SBF2: variants seen among roughly 807,000 people sequenced by gnomAD.
The protein encoded by SBF2 is myotubularin-related protein 13.
SBF2 carries 112 observed loss-of-function variants against 225.2 expected under a neutral mutation model. That is an observed-to-expected ratio of 0.50 (90% CI 0.43 to 0.58). SBF2 has a LOEUF of 0.58. SBF2 is among the 20% of genes least tolerant of loss of function. SBF2 has a pLI of 0.00. For synonymous variants in SBF2, 763 were observed against 773.3 expected (o/e 0.99, Z 0.22); for missense variants, 1,996 against 2,206.2 (o/e 0.90, Z 1.91).
chr11:9,807,929 A>C (rs1853944971), intron 32 of SBF2, 71 bp downstream of exon 32: 4 of 1,365,370 alleles, frequency 2.9e-6, no homozygotes, highest in Admixed American at 1.8e-5. Flanking sequence ...ACACCATCGC[A>C]ATGCTCCATC....
At position 9,839,545 on chromosome 11, in the gene SBF2, C is replaced by T. The variant is rs149891983; in HGVS notation, c.3408G>A (p.Glu1136=). 5.6e-6 allele frequency: 9 copies of T among 1,614,148 alleles called. No individual in the cohort carries two copies. The East Asian group carries it at 6.7e-5, about 12-fold the overall frequency. Residue 1136 remains glutamate, a synonymous_variant, in exon 26 of 40, where the codon GAG becomes GAA. Coordinates refer to ENST00000256190, the MANE Select transcript of SBF2 (RefSeq NM_030962.4). ...TGTTGGAGGCAGTAATTCTAAAATA[C>T]TCGGGTCTTGAACGGGAAGAGCTGC... ...ISGSSSRSRP[E]YFRITASNRM...
At chr11:9,896,421 T>C (rs10770073) in intron 16 of SBF2, among the ~76,000 whole-genome samples, 90,184 of 151,976 alleles carry the variant, frequency 0.59, 27,152 homozygotes, top group African/African-American at 0.66. Flanking sequence ...TTTTTGCACA[T>C]TTTAACATTT....
intron 25 of SBF2, among the ~76,000 whole-genome samples, chr11:9,841,678 G>A (rs1002061282): frequency 1.3e-5 from 2 of 152,026 alleles, no homozygotes; most frequent in African/African-American, 2.4e-5. Flanking sequence ...GACTACAGGC[G>A]CATGCCACCA....
At chr11:10,012,349 T>C (rs1421754113) in intron 6 of SBF2, among the ~76,000 whole-genome samples, 1 of 152,172 alleles carries the variant, frequency 6.6e-6, no homozygotes, top group African/African-American at 2.4e-5. Flanking sequence ...ACTATGTTTC[T>C]CAGGCCGGTC....
intron 25 of SBF2, among the ~76,000 whole-genome samples, chr11:9,840,801 G>A (rs1473720128): frequency 6.6e-6 from 1 of 152,152 alleles, no homozygotes; most frequent in Non-Finnish European, 1.5e-5. Context: ...TTTGTTAGAG[G>A]ATGTGGTGTA....
At chr11:9,823,854 T>C (rs903963384) in intron 28 of SBF2, among the ~76,000 whole-genome samples, 7 of 152,204 alleles carry the variant, frequency 4.6e-5, no homozygotes, top group Non-Finnish European at 8.8e-5. Context: ...CTTTGTCCAG[T>C]TTATCACTGG....
At chr11:10,193,465 C>T (rs1957256983) in intron 2 of SBF2, among the ~76,000 whole-genome samples, 1 of 151,418 alleles carries the variant, frequency 6.6e-6, no homozygotes, top group Non-Finnish European at 1.5e-5. Context: ...TGCCATTCTC[C>T]TGCCTCAGCC....
chr11:9,835,631 C>CAAAA (rs58436467), intron 26 of SBF2, among the ~76,000 whole-genome samples: 1,304 of 62,130 alleles, frequency 0.021, 118 homozygotes, highest in African/African-American at 0.079. Context: ...GACCTTGTCT[C>CAAAA]AAAAAAAAAA....
chr11:9,929,329 A>T (rs764043820), intron 16 of SBF2: 9 of 175,720 alleles, frequency 5.1e-5, no homozygotes, highest in Non-Finnish European at 9.6e-5. Context: ...TCTATGCAAC[A>T]AGGAAACATT....
chr11:10,066,244 C>T (rs1359632997), intron 2 of SBF2, among the ~76,000 whole-genome samples: 1 of 151,684 alleles, frequency 6.6e-6, no homozygotes, highest in African/African-American at 2.4e-5. Context: ...ATTACCAATA[C>T]CAAAACTTGA....
chr11:9,834,171 C>A (rs530440964), intron 26 of SBF2, among the ~76,000 whole-genome samples: 1 of 151,766 alleles, frequency 6.6e-6, no homozygotes, highest in South Asian at 2.1e-4. Context: ...TGGCTCACTG[C>A]AACCTTCGCC....
intron 17 of SBF2, among the ~76,000 whole-genome samples, chr11:9,890,347 TA>T (rs1860697659): frequency 6.6e-6 from 1 of 152,228 alleles, no homozygotes; most frequent in South Asian, 2.1e-4. Flanking sequence ...TTATGATATA[TA>T]AATTATACTT....
At chr11:10,022,607 C>G (rs943441560) in intron 6 of SBF2, among the ~76,000 whole-genome samples, 1 of 152,026 alleles carries the variant, frequency 6.6e-6, no homozygotes, top group Admixed American at 6.6e-5. Flanking sequence ...CCCACCCCCC[C>G]ATCATAATCT....
At chr11:10,275,863 A>G (rs531232744) in intron 1 of SBF2, among the ~76,000 whole-genome samples, 53 of 152,214 alleles carry the variant, frequency 3.5e-4, no homozygotes, top group African/African-American at 1.2e-3. Context: ...AAGAGTGGGG[A>G]AAAAAATGTG....
At chr11:9,801,644 C>G (rs1590116000) in intron 32 of SBF2, among the ~76,000 whole-genome samples, 1 of 152,170 alleles carries the variant, frequency 6.6e-6, no homozygotes, top group Non-Finnish European at 1.5e-5. Flanking sequence ...ACATTGTGTG[C>G]TTTGTGTTAC....
intron 16 of SBF2, chr11:9,960,972 AATCT>A (rs2134359888): frequency 6.6e-6 from 1 of 151,144 alleles, no homozygotes; most frequent in Non-Finnish European, 1.5e-5. Context: ...CAAATAATAT[AATCT>A]TAAACTAAAT....
At position 10,000,968 on chromosome 11, in the gene SBF2, T is replaced by A. The variant is rs1057521879; in HGVS notation, c.807A>T (p.Pro269=). 1 of 1,607,972 alleles carries A rather than the reference T, an allele frequency of 6.2e-7. No homozygotes were observed. The highest frequency in any genetic ancestry group is 1.7e-5 in the Admixed American group (1 of 60,024). The part of the protein sequence containing the change: ...PAQLLEVLSS[P]TPFIIGVHSV... Reference sequence around the variant, plus strand: ...AATGTACTCCAATAATGAAAGGCGTTGGGGAACTTAGAACTTCCAGTAGCT... The same window carrying A: ...AATGTACTCCAATAATGAAAGGCGTAGGGGAACTTAGAACTTCCAGTAGCT... Residue 269 remains proline (P), a synonymous_variant, in exon 8 of 40, where the codon CCA becomes CCT. Coordinates refer to ENST00000256190, the MANE Select transcript of SBF2 (RefSeq NM_030962.4).
chr11:10,022,947 A>G (rs185206024), intron 6 of SBF2, among the ~76,000 whole-genome samples: 3 of 152,268 alleles, frequency 2.0e-5, no homozygotes, highest in Admixed American at 6.5e-5. Context: ...TGGCAAAACA[A>G]TAAGTAGTGT....
intron 2 of SBF2, among the ~76,000 whole-genome samples, chr11:10,062,366 C>T (rs549025565): frequency 1.1e-4 from 16 of 152,186 alleles, no homozygotes; most frequent in East Asian, 3.9e-4. Flanking sequence ...TAGGAACTTC[C>T]GCACAGCAAA....
Sources: allele counts gnomAD v4.1 joint callset (sites outside exome capture counted in the v4.1 genomes callset), GRCh38; gene constraint gnomAD v4.1.1; transcripts MANE v1.5; gene names NCBI Gene and HGNC (gene_info 2026-07-23, HGNC 2026-07-21).